Variants in SNED1 observed in about 807,000 individuals in gnomAD.
SNED1 encodes sushi, nidogen and EGF-like domain-containing protein 1.
In SNED1, 81 loss-of-function variants were observed where a neutral mutation model predicts 166.7. The observed-to-expected ratio is 0.49, with a 90% CI of 0.41 to 0.58. The LOEUF is 0.58. Ranked by LOEUF, SNED1 falls within the 20% of genes least tolerant of loss-of-function variation. The pLI is 0.00. For synonymous variants in SNED1, 762 were observed against 822.0 expected (o/e 0.93, Z 1.25); for missense variants, 1,604 against 2,000.2 (o/e 0.80, Z 3.78).
chr2:241,094,071 T>C lies in SNED1; in HGVS notation c.*2435T>C. ...GGTGGCAGTGACCGGGATGCCACAA[T>C]GGAAGAGAAAATGAAAACACTGGCA... On this transcript the variant is annotated 3_prime_UTR_variant, in exon 32 of 32. Coordinates refer to ENST00000310397, the MANE Select transcript of SNED1 (RefSeq NM_001080437.3). This position sits in a 1 kb window ranked among gnomAD's most constrained non-coding sequence, Gnocchi z 4.3. 1 of 332,202 alleles carries C rather than the reference T, an allele frequency of 3.0e-6. No individual in the cohort carries two copies. Among genetic ancestry groups the C allele is most frequent in the South Asian group, 2.3e-5 (1 of 42,662 alleles). 20.6% of individuals were successfully genotyped at this position (332,202 alleles called of 1,614,324 possible). A position where few individuals can be genotyped will look rare whatever the true frequency, so the allele number is the denominator to read the frequency against.
intron 8 of SNED1, among the ~76,000 whole-genome samples, chr2:241,047,743 G>A (rs937123409): frequency 6.6e-6 from 1 of 152,134 alleles, no homozygotes; most frequent in Non-Finnish European, 1.5e-5. Context: ...TCCATTCCTG[G>A]GTGGCTTCTC....
intron 1 of SNED1, among the ~76,000 whole-genome samples, chr2:241,011,760 G>A (rs1224281905): frequency 1.3e-5 from 2 of 152,312 alleles, no homozygotes; most frequent in Non-Finnish European, 2.9e-5. Context: ...CTAGCTCCTG[G>A]GCCCTCTGGC....
chr2:241,000,943 A>G (rs976909233), intron 1 of SNED1, among the ~76,000 whole-genome samples: 1 of 152,202 alleles, frequency 6.6e-6, no homozygotes, highest in African/African-American at 2.4e-5. Flanking sequence ...GGGAGAGAGA[A>G]AGGGGTGCTT....
At chr2:241,039,055 A>G (rs4675830) in intron 6 of SNED1, among the ~76,000 whole-genome samples, 93,929 of 152,096 alleles carry the variant, frequency 0.62, 30,335 homozygotes, top group African/African-American at 0.82. Flanking sequence ...GTGAGCCTTC[A>G]CTTTCTCAGT....
At chr2:241,012,749 C>T (rs1010461359) in intron 1 of SNED1, among the ~76,000 whole-genome samples, 2 of 151,950 alleles carry the variant, frequency 1.3e-5, no homozygotes, top group African/African-American at 2.4e-5. Flanking sequence ...TGTGTGTGCA[C>T]GTGTGTGACA....
chr2:241,024,678 T>TTATTTTATTTTATTTTATTTTATTG (rs2124938519), intron 1 of SNED1, among the ~76,000 whole-genome samples: 1 of 151,270 alleles, frequency 6.6e-6, no homozygotes, highest in African/African-American at 2.4e-5. Context: ...TTATTTTATT[T>TTATTTTATTTTATTTTATTTTATTG]TATTTATTTT....
At chr2:241,059,612 A>G (rs978417193) in intron 16 of SNED1, among the ~76,000 whole-genome samples, 4 of 151,786 alleles carry the variant, frequency 2.6e-5, no homozygotes, top group Non-Finnish European at 4.4e-5. Context: ...TTTCTCAAGG[A>G]CACAGGTTGG....
In SNED1 at chr2:241,036,795, G is replaced by T; in HGVS notation, c.811G>T (p.Val271Leu). ...GCCCCTCCCTATGTCTGCAGCGTCC[G>T]TGTGCCTGGCCCTGCGCCCCTGCCT... Reference protein sequence around the residue: ...RVGGCGHTTSVCLALRPCLNG... With the variant: ...RVGGCGHTTSLCLALRPCLNG... The change falls in exon 5 of 32, where the codon GTG becomes TTG. Residue 271 changes from valine (V) to leucine (L), a missense_variant. By Grantham distance (32) the Val-to-Leu change is conservative (BLOSUM62 1). Around this residue, in one of 2 missense-constraint regions of SNED1, gnomAD observed 1,237 missense variants for 1,620.8 expected, o/e 0.76. Coordinates refer to ENST00000310397, the MANE Select transcript of SNED1 (RefSeq NM_001080437.3). 1 of 1,608,146 alleles carries T rather than the reference G, an allele frequency of 6.2e-7. No individual in the cohort carries two copies. The highest frequency in any genetic ancestry group is 8.5e-7 in the Non-Finnish European group (1 of 1,179,616).
intron 30 of SNED1, chr2:241,088,050 G>C (rs376030406): frequency 2.3e-6 from 1 of 439,370 alleles, no homozygotes; most frequent in Non-Finnish European, 4.0e-6. Flanking sequence ...CGTGCTGCTC[G>C]GCCTGTGCAC....
intron 1 of SNED1, among the ~76,000 whole-genome samples, chr2:241,023,887 C>CTTTTTTTTTTTTTTTTTTT (rs2060846825): frequency 2.8e-5 from 2 of 71,652 alleles, no homozygotes. Flanking sequence ...CTTTTTTTTT[C>CTTTTTTTTTTTTTTTTTTT]CTTTTTTTTT....
At chr2:241,024,652 C>CTTATCTTATTTTATTTTATT (rs1553560315) in intron 1 of SNED1, among the ~76,000 whole-genome samples, 1 of 139,540 alleles carries the variant, frequency 7.2e-6, no homozygotes, top group African/African-American at 2.8e-5. Context: ...CTTATTTTAT[C>CTTATCTTATTTTATTTTATT]TTATTTTATT....
intron 1 of SNED1, among the ~76,000 whole-genome samples, chr2:241,017,342 T>C (rs1373924206): frequency 1.3e-5 from 2 of 152,232 alleles, no homozygotes; most frequent in Admixed American, 1.3e-4. Flanking sequence ...GTCTAAGTCC[T>C]GCCAGCATGG....
At chr2:241,038,693 C>T (rs745720312) in intron 6 of SNED1, among the ~76,000 whole-genome samples, 4 of 152,254 alleles carry the variant, frequency 2.6e-5, no homozygotes. Context: ...GGGTGGGAGT[C>T]GGGCTTCTGT....
At position 241,034,579 on chromosome 2, in the gene SNED1, C is replaced by T. The variant is rs754279715; in HGVS notation, c.654C>T (p.Asn218=). The T allele has an allele frequency of 2.4e-5, 39 of 1,599,688 alleles. 1 individual carries two copies. In the Admixed American group the frequency reaches 3.2e-4, roughly 13 times the overall value. ...CACCCCACCCCCAGGCTGGCTTCAACGCAGGCGATGGGCAGCGTTACTTCA... is the reference window on the plus strand; with the variant it reads ...CACCCCACCCCCAGGCTGGCTTCAATGCAGGCGATGGGCAGCGTTACTTCA... ...LGGIAAQAGF[N]AGDGQRYFSI... is the part of the protein sequence containing the mutation. The change falls in exon 4 of 32, where the codon AAC becomes AAT. Residue 218 remains asparagine, a synonymous_variant. Transcript: ENST00000310397.
chr2:241,033,194 G>A (rs1027499808), intron 2 of SNED1, among the ~76,000 whole-genome samples: 1 of 152,140 alleles, frequency 6.6e-6, no homozygotes, highest in Admixed American at 6.5e-5. Context: ...TTCTTTTTCA[G>A]GGGGTTTCCT....
chr2:241,013,726 ATGT>A lies in SNED1; in HGVS notation c.213+14682_213+14684del, dbSNP rs1370114398. Among the ~76,000 whole-genome samples, 5 of 152,270 alleles carry A rather than the reference ATGT, an allele frequency of 3.3e-5. No individual in the cohort carries two copies. The highest frequency in any genetic ancestry group is 3.9e-4 in the East Asian group (2 of 5,184). The stretch of plus-strand genomic sequence containing the variant: ...AGCATAATGTCCTTCAGTTTCATCC[ATGT>A]TGTTGCAAATGGCAGGATCCCTCTC... On this transcript the variant is annotated intron_variant, in intron 1 of 31. Transcript: ENST00000310397. The surrounding 1 kb of genome is among the most constrained non-coding windows in gnomAD (Gnocchi z 4.6).
Position 241,040,284 on chromosome 2 carries a change from C to T in SNED1, c.1160-16C>T. Reference sequence around the variant, plus strand: ...GGCCTGGCTCAAGCCAAGCCCGCACCTCTGCTGCCCCTCAGATGTGGACGA... The same window carrying T: ...GGCCTGGCTCAAGCCAAGCCCGCACTTCTGCTGCCCCTCAGATGTGGACGA... On this transcript the variant is annotated splice_polypyrimidine_tract_variant and intron_variant, in intron 7 of 31. Transcript: ENST00000310397. The T allele has an allele frequency of 6.3e-7, 1 of 1,588,584 alleles. No individual in the cohort carries two copies. The highest frequency in any genetic ancestry group is 8.6e-7 in the Non-Finnish European group (1 of 1,166,428).
At chr2:241,034,813 G>A in intron 4 of SNED1, 83 bp downstream of exon 4, 1 of 1,405,264 alleles carries the variant, frequency 7.1e-7, no homozygotes, top group Non-Finnish European at 9.5e-7. Context: ...GACGAAGGGG[G>A]CTGGATGCTG....
chr2:241,089,558 G>A (rs2063774061), intron 31 of SNED1, among the ~76,000 whole-genome samples: 1 of 146,190 alleles, frequency 6.8e-6, no homozygotes, highest in African/African-American at 2.7e-5. Context: ...GCATGCATCT[G>A]CCTCTTCGGA....
Sources: allele counts gnomAD v4.1 joint callset (sites outside exome capture counted in the v4.1 genomes callset), GRCh38; gene constraint gnomAD v4.1.1; regional missense constraint gnomAD v4.1.1; non-coding constraint Gnocchi (gnomAD v3.1); transcripts MANE v1.5; gene names NCBI Gene and HGNC (gene_info 2026-07-23, HGNC 2026-07-21).